Variants in ZNF557 observed in about 807,000 individuals in gnomAD.
The protein encoded by ZNF557 is CTB-25J19.9.
Under a neutral mutation model 21.2 loss-of-function variants are expected in ZNF557, and 19 were observed. The ratio of observed to expected loss-of-function variants is 0.90; its 90% CI spans 0.63 to 1.32. ZNF557 has a LOEUF of 1.32. Ranked by LOEUF, ZNF557 falls within the 40% of genes most tolerant of loss-of-function variation. The probability of loss-of-function intolerance (pLI) is 0.00; values close to 1 mark genes in which losing one functional copy is unlikely to be tolerated. For synonymous variants in ZNF557, 207 were observed against 194.8 expected (o/e 1.06, Z -0.52); for missense variants, 487 against 519.8 (o/e 0.94, Z 0.61).
At chr19:7,075,843 C>T in intron 4 of ZNF557, 100 bp downstream of exon 4, 1 of 1,536,966 alleles carries the variant, frequency 6.5e-7, no homozygotes, top group South Asian at 1.2e-5. Context: ...AAACTTGTTC[C>T]TCAGGCATCC....
In ZNF557 at chr19:7,083,768, T is replaced by G; in HGVS notation, c.*24T>G. On this transcript the variant is annotated 3_prime_UTR_variant, in exon 8 of 8. Transcript: ENST00000252840. The stretch of plus-strand genomic sequence containing the variant: ...GAATTCAATAACTGTGGGAAAAGCA[T>G]TCATTGATCTTTCATGCCTCAGATA... 1 of 1,568,212 alleles carries G rather than the reference T, an allele frequency of 6.4e-7. No individual in the cohort carries two copies. The highest frequency in any genetic ancestry group is 1.2e-5 in the South Asian group (1 of 82,340).
At chr19:7,076,297 C>T in intron 4 of ZNF557, 84 bp from the exon 5 acceptor site, 1 of 1,613,652 alleles carries the variant, frequency 6.2e-7, no homozygotes, top group Non-Finnish European at 8.5e-7. Flanking sequence ...TTCCCCAGCC[C>T]TGGCTCTGTT....
intron 2 of ZNF557, 84 bp from the exon 3 acceptor site, chr19:7,074,912 G>T: frequency 9.2e-7 from 1 of 1,090,210 alleles, no homozygotes. Context: ...CCGAGGCAGG[G>T]CACGGGCAGG....
chr19:7,085,271 T>TCCTCCCACGCTC lies in ZNF557; in HGVS notation c.*1527_*1528insCCTCCCACGCTC, dbSNP rs1977811687. 6.6e-6 allele frequency: 1 copy of TCCTCCCACGCTC among 152,132 alleles called. No homozygotes were observed. Among genetic ancestry groups the TCCTCCCACGCTC allele is most frequent in the Non-Finnish European group, 1.5e-5 (1 of 68,042 alleles). The allele number at this position is 152,132 out of a possible 1,614,324, so 9.4% of individuals were successfully genotyped here. A position where few individuals can be genotyped will look rare whatever the true frequency, so the allele number is the denominator to read the frequency against. On this transcript the variant is annotated 3_prime_UTR_variant, in exon 8 of 8. Coordinates refer to ENST00000252840, the MANE Select transcript of ZNF557 (RefSeq NM_024341.3). ...TATTGTAACCTCTGCCTCCCAGGCT[T>TCCTCCCACGCTC]AAGGGATCCTCCCACCTCAGCCTCC...
chr19:7,087,697 A>AGTGTGTGTGTGT lies in ZNF557; in HGVS notation c.*3954_*3955insTGTGTGTGTGTG, dbSNP rs67706963. 6 of 147,208 alleles carry AGTGTGTGTGTGT rather than the reference A, an allele frequency of 4.1e-5. No homozygotes were observed. Among genetic ancestry groups the AGTGTGTGTGTGT allele is most frequent in the African/African-American group, 1.3e-4 (5 of 39,152 alleles). The allele number at this position is 147,208 out of a possible 1,614,324, so 9.1% of individuals were successfully genotyped here. On this transcript the variant is annotated 3_prime_UTR_variant, in exon 8 of 8. Transcript: ENST00000252840. ...TGGTTAAAACCAAAGAGAGAGAGAGAGAGAGTGTGTGTGTGTGTGTGTGTG... is the reference window on the plus strand; with the variant it reads ...TGGTTAAAACCAAAGAGAGAGAGAGAGTGTGTGTGTGTGAGAGTGTGTGTGTGTGTGTGTGTG...
At chr19:7,079,470 G>A (rs1977657051) in intron 5 of ZNF557, among the ~76,000 whole-genome samples, 2 of 151,804 alleles carry the variant, frequency 1.3e-5, no homozygotes, top group Admixed American at 1.3e-4. Context: ...TCGATCTCCT[G>A]ACCTTGTGAT....
intron 2 of ZNF557, among the ~76,000 whole-genome samples, chr19:7,074,331 T>C (rs2967644): frequency 0.87 from 129,905 of 150,038 alleles, 56,264 homozygotes; most frequent in Middle Eastern, 0.89. Flanking sequence ...TGTGTGTATA[T>C]ACACACACAC....
chr19:7,083,375 T>G lies in ZNF557; in HGVS notation c.924T>G (p.Ser308=), dbSNP rs770929173. ...GKAFGTRSSL[S]SHYSIHTGEY... Reference sequence around the variant, plus strand: ...CTTTCGGCACGAGGTCATCTCTTTCTTCGCACTATAGCATTCATACAGGGG... The same window carrying G: ...CTTTCGGCACGAGGTCATCTCTTTCGTCGCACTATAGCATTCATACAGGGG... The change falls in exon 8 of 8, where the codon TCT becomes TCG. Residue 308 remains serine, a synonymous_variant. Transcript: ENST00000252840. 1.2e-6 allele frequency: 2 copies of G among 1,614,232 alleles called. No individual in the cohort carries two copies. Among genetic ancestry groups the G allele is most frequent in the Admixed American group, 3.3e-5 (2 of 60,018 alleles).
intron 5 of ZNF557, among the ~76,000 whole-genome samples, chr19:7,079,240 CTTTT>C (rs71177151): frequency 1.1e-4 from 10 of 87,454 alleles, no homozygotes; most frequent in Non-Finnish European, 2.0e-4. Flanking sequence ...TTTTTTGTTT[CTTTT>C]TTTTTTTTTT....
chr19:7,081,836 T>C, intron 6 of ZNF557, 134 bp from the exon 7 acceptor site: 2 of 658,152 alleles, frequency 3.0e-6, no homozygotes, highest in Non-Finnish European at 5.3e-6. Flanking sequence ...CCATATCTCT[T>C]TCACCGAATG....
At chr19:7,080,502 T>C (rs554370542) in intron 5 of ZNF557, among the ~76,000 whole-genome samples, 1 of 152,190 alleles carries the variant, frequency 6.6e-6, no homozygotes, top group Non-Finnish European at 1.5e-5. Flanking sequence ...TGTAGCCTCT[T>C]CAGACCTGGG....
intron 5 of ZNF557, among the ~76,000 whole-genome samples, chr19:7,080,465 C>T (rs995374347): frequency 6.6e-6 from 1 of 152,170 alleles, no homozygotes; most frequent in Non-Finnish European, 1.5e-5. Flanking sequence ...GGACACACTT[C>T]CCTCTCCACC....
At position 7,083,757 on chromosome 19, in the gene ZNF557, T is replaced by G. The variant is rs201044373; in HGVS notation, c.*13T>G. 134 of 1,577,054 alleles carry G rather than the reference T, an allele frequency of 8.5e-5. No individual in the cohort carries two copies. The highest frequency in any genetic ancestry group is 3.6e-5 in the Admixed American group (2 of 55,670). On this transcript the variant is annotated 3_prime_UTR_variant, in exon 8 of 8. Coordinates refer to ENST00000252840, the MANE Select transcript of ZNF557 (RefSeq NM_024341.3). ...TAGGCAAATGTGAATTCAATAACTG[T>G]GGGAAAAGCATTCATTGATCTTTCA...
At chr19:7,070,238 G>C (rs998007926) in intron 1 of ZNF557, among the ~76,000 whole-genome samples, 1 of 152,172 alleles carries the variant, frequency 6.6e-6, no homozygotes, top group African/African-American at 2.4e-5. Context: ...ATTCAGCCGA[G>C]TCCACTTATA....
chr19:7,076,092 C>T (rs993721411), intron 4 of ZNF557, among the ~76,000 whole-genome samples: 3 of 152,134 alleles, frequency 2.0e-5, no homozygotes, highest in Non-Finnish European at 4.4e-5. Context: ...CCCATGATCC[C>T]CTGGAGACTG....
chr19:7,070,990 T>C (rs763565679), intron 2 of ZNF557, among the ~76,000 whole-genome samples: 12 of 152,132 alleles, frequency 7.9e-5, no homozygotes, highest in Non-Finnish European at 1.6e-4. Context: ...GGTCTCGAAC[T>C]CCTGACTTCA....
chr19:7,081,549 C>G, intron 6 of ZNF557, 94 bp downstream of exon 6: 1 of 864,962 alleles, frequency 1.2e-6, no homozygotes, highest in Non-Finnish European at 1.8e-6. Context: ...AAATATCAGT[C>G]AGAGAACTGT....
At chr19:7,071,949 CA>C (rs34333608) in intron 2 of ZNF557, among the ~76,000 whole-genome samples, 22,199 of 141,618 alleles carry the variant, frequency 0.16, 1,719 homozygotes, top group African/African-American at 0.17. Context: ...ACTAAAAATA[CA>C]AAAAAAAAAA....
chr19:7,082,116 A>C, intron 7 of ZNF557, 64 bp downstream of exon 7: 1 of 1,358,450 alleles, frequency 7.4e-7, no homozygotes, highest in Non-Finnish European at 1.0e-6. Context: ...GAGAAAAGCC[A>C]CAAGGACTGG....
Sources: gnomAD v4.1 joint callset for allele counts (sites outside exome capture counted in the v4.1 genomes callset) on GRCh38, gnomAD v4.1.1 for gene constraint, MANE v1.5 for transcripts, NCBI Gene and HGNC (gene_info 2026-07-23, HGNC 2026-07-21) for gene names.